Variants in SLC20A2 observed in about 807,000 individuals in gnomAD.
SLC20A2 encodes sodium-dependent phosphate transporter 2.
A neutral mutation model predicts 61.0 loss-of-function variants in SLC20A2; 30 were observed. That is an observed-to-expected ratio of 0.49 (90% CI 0.37 to 0.67). The LOEUF (loss-of-function observed/expected upper bound fraction) is 0.67, where lower values mean the gene tolerates loss of function less well. Ranked by LOEUF, SLC20A2 falls within the 30% of genes least tolerant of loss-of-function variation. The probability of loss-of-function intolerance (pLI) is 0.00; values close to 1 mark genes in which losing one functional copy is unlikely to be tolerated. For synonymous variants in SLC20A2, 351 were observed against 353.3 expected, an observed-to-expected ratio of 0.99 and a Z score of 0.07; for missense variants, 626 against 866.4, an observed-to-expected ratio of 0.72 and a Z score of 3.48.
rs182896067 is a variant in SLC20A2, at chr8:42,492,085, G to A, written c.-265+8946C>T. Among the ~76,000 whole-genome samples, 248 of 152,282 alleles carry A rather than the reference G, an allele frequency of 1.6e-3. 4 individuals are homozygous for A. Among genetic ancestry groups the A allele is most frequent in the Middle Eastern group, 3.4e-3 (1 of 294 alleles). The stretch of plus-strand genomic sequence containing the variant: ...AATGAAGATGCACTGGGCTGGGTGC[G>A]GTGGCTCACGTCTGTAATCCCAGCA... On this transcript the variant is annotated intron_variant, in intron 1 of 10. Transcript: ENST00000520262.
intron 10 of SLC20A2, among the ~76,000 whole-genome samples, chr8:42,423,508 A>G (rs1803179194): frequency 1.3e-5 from 2 of 151,734 alleles, no homozygotes; most frequent in African/African-American, 4.9e-5. Flanking sequence ...AAAATTTTAT[A>G]GAGATTTTTA....
At chr8:42,446,102 T>C (rs1805192100) in intron 5 of SLC20A2, among the ~76,000 whole-genome samples, 1 of 152,236 alleles carries the variant, frequency 6.6e-6, no homozygotes. Context: ...ATTACAGGCA[T>C]GAGCCACCTG....
chr8:42,475,295 G>A (rs533365155), intron 1 of SLC20A2, among the ~76,000 whole-genome samples: 19 of 151,736 alleles, frequency 1.3e-4, no homozygotes, highest in Admixed American at 4.6e-4. Context: ...AGACGGGGTC[G>A]CCCTATGCTG....
chr8:42,517,916 T>C (rs1811411874), intron 1 of SLC20A2, among the ~76,000 whole-genome samples: 2 of 152,144 alleles, frequency 1.3e-5, no homozygotes, highest in Non-Finnish European at 2.9e-5. Flanking sequence ...ACATTGTTTG[T>C]AGTGGCAAAC....
intron 1 of SLC20A2, among the ~76,000 whole-genome samples, chr8:42,487,420 A>C (rs1361005914): frequency 6.6e-6 from 1 of 151,222 alleles, no homozygotes; most frequent in Non-Finnish European, 1.5e-5. Context: ...CTCATGATCC[A>C]CCTGCCTCGG....
chr8:42,456,483 C>A lies in SLC20A2; in HGVS notation c.613+3413G>T, dbSNP rs118117105. ...AGGTGCAGTGGCTCATGCCTGTAAT[C>A]CCACTTTGAGAGGCCAAGGCAGGCG... On this transcript the variant is annotated intron_variant, in intron 5 of 10. Coordinates refer to ENST00000520262, the MANE Select transcript of SLC20A2 (RefSeq NM_001257180.2). 7.1e-4 allele frequency among the ~76,000 whole-genome samples: 108 copies of A among 152,178 alleles called. 3 individuals carry two copies. In the East Asian group the frequency reaches 0.02, roughly 28 times the overall value.
chr8:42,497,590 C>T (rs760834730), intron 1 of SLC20A2, among the ~76,000 whole-genome samples: 3 of 152,164 alleles, frequency 2.0e-5, no homozygotes, highest in Non-Finnish European at 4.4e-5. Context: ...TTCTTTGCCA[C>T]TGAGACACAC....
rs1332911753 is a variant in SLC20A2 at position 42,429,549 on chromosome 8, CT to C, written c.1709+514del. Among the ~76,000 whole-genome samples the C allele has an allele frequency of 2.6e-5, 4 of 152,354 alleles. No individual in the cohort carries two copies. In the East Asian group the frequency reaches 7.7e-4, roughly 29 times the overall value. ...AAAGTTCTGGAAGTTCCTTTAACCC[CT>C]GATGCAGCTGAAGGCTATGCGGTTG... is the stretch of plus-strand genomic sequence containing the variant. On this transcript the variant is annotated intron_variant, in intron 9 of 10. Coordinates refer to ENST00000520262, the MANE Select transcript of SLC20A2 (RefSeq NM_001257180.2).
At chr8:42,533,539 C>CCAGGAG (rs1586289532) in intron 1 of SLC20A2, among the ~76,000 whole-genome samples, 2 of 151,934 alleles carry the variant, frequency 1.3e-5, no homozygotes, top group Admixed American at 1.3e-4. Flanking sequence ...CTGCTTGAGC[C>CCAGGAG]CAGGAGGTGG....
chr8:42,459,468 C>A (rs1806533193), intron 5 of SLC20A2, among the ~76,000 whole-genome samples: 1 of 152,128 alleles, frequency 6.6e-6, no homozygotes, highest in South Asian at 2.1e-4. Flanking sequence ...CTGTCCCGCT[C>A]ACTGGGTGCC....
At chr8:42,454,261 C>T (rs960860912) in intron 5 of SLC20A2, among the ~76,000 whole-genome samples, 4 of 152,190 alleles carry the variant, frequency 2.6e-5, no homozygotes, top group African/African-American at 7.2e-5. Flanking sequence ...CTCGGCCTCC[C>T]GAAGTGCTGA....
chr8:42,450,141 A>T (rs1805523144), intron 5 of SLC20A2, among the ~76,000 whole-genome samples: 1 of 152,138 alleles, frequency 6.6e-6, no homozygotes. Flanking sequence ...AGAAAATAAA[A>T]TAAAAAATGT....
intron 1 of SLC20A2, among the ~76,000 whole-genome samples, chr8:42,494,184 G>A (rs574736984): frequency 9.1e-4 from 139 of 152,138 alleles, no homozygotes; most frequent in African/African-American, 3.2e-3. Flanking sequence ...GATAAATATA[G>A]AAAATGAGAA....
At chr8:42,532,556 T>G (rs186398658) in intron 1 of SLC20A2, among the ~76,000 whole-genome samples, 30 of 152,296 alleles carry the variant, frequency 2.0e-4, no homozygotes, top group African/African-American at 6.7e-4. Flanking sequence ...GGGAAGTTAA[T>G]AATAATTGAT....
At chr8:42,496,328 T>C (rs925919879) in intron 1 of SLC20A2, among the ~76,000 whole-genome samples, 1 of 152,228 alleles carries the variant, frequency 6.6e-6, no homozygotes, top group Non-Finnish European at 1.5e-5. Context: ...CTCAGCAGCC[T>C]GTGTTTTCAA....
intron 1 of SLC20A2, among the ~76,000 whole-genome samples, chr8:42,520,260 C>T (rs571661906): frequency 1.6e-3 from 241 of 151,054 alleles, no homozygotes; most frequent in African/African-American, 5.3e-3. Context: ...GTGATCCGCC[C>T]GCCTCAGCCT....
At chr8:42,465,695 A>G (rs941832267) in intron 3 of SLC20A2, 82 bp downstream of exon 3, 42 of 1,435,204 alleles carry the variant, frequency 2.9e-5, no homozygotes, top group Non-Finnish European at 3.7e-5. Flanking sequence ...GGGTCAAAAA[A>G]AAAAAAAAAG....
chr8:42,537,516 G>GTAAGA (rs2131458824), intron 1 of SLC20A2: 1 of 152,040 alleles, frequency 6.6e-6, no homozygotes, highest in South Asian at 2.1e-4. Context: ...AAGAAATGCA[G>GTAAGA]TAAGATATCC....
rs544215635 is a variant in SLC20A2, at chr8:42,525,642, C to T, written c.-265+16179G>A. ...GGGCAGACCTTTCTGAATACATGAT[C>T]GACAATTTTCATAAATGTCTTCTGA... On this transcript the variant is annotated intron_variant, in intron 1 of 10. Transcript: ENST00000342228. Among the ~76,000 whole-genome samples the T allele has an allele frequency of 4.7e-5, 7 of 148,736 alleles. No homozygotes were observed. The South Asian group carries it at 6.5e-4, about 14-fold the overall frequency.
Sources: allele counts gnomAD v4.1 joint callset (sites outside exome capture counted in the v4.1 genomes callset), GRCh38; gene constraint gnomAD v4.1.1; transcripts MANE v1.5; gene names NCBI Gene and HGNC (gene_info 2026-07-23, HGNC 2026-07-21).